DBT: variants seen among roughly 807,000 people sequenced by gnomAD.
DBT encodes lipoamide acyltransferase component of branched-chain alpha-keto acid dehydrogenase complex, mitochondrial.
Under a neutral mutation model 51.3 loss-of-function variants are expected in DBT, and 40 were observed. The observed-to-expected ratio is 0.78, with a 90% CI of 0.61 to 1.02. The LOEUF is 1.02. Ranked by LOEUF, DBT falls within the 50% of genes least tolerant of loss-of-function variation. DBT has a pLI of 0.00. For missense variants in DBT, 510 were observed against 580.2 expected (o/e 0.88, Z 1.24); for synonymous variants, 181 against 190.4 (o/e 0.95, Z 0.41).
chr1:100,224,417 A>G (rs1663049537), intron 4 of DBT, among the ~76,000 whole-genome samples: 1 of 152,352 alleles, frequency 6.6e-6, no homozygotes, highest in Admixed American at 6.5e-5. Context: ...TTTAATTTCT[A>G]TAGGCCTGCT....
intron 1 of DBT, 132 bp downstream of exon 1, chr1:100,249,638 C>T: frequency 1.1e-6 from 1 of 886,636 alleles, no homozygotes; most frequent in Non-Finnish European, 1.9e-6. Context: ...CTTTATTTTG[C>T]ATGCATCCCT....
chr1:100,223,173 G>A (rs1662971785), intron 4 of DBT, among the ~76,000 whole-genome samples: 1 of 152,062 alleles, frequency 6.6e-6, no homozygotes, highest in African/African-American at 2.4e-5. Context: ...GAATTAACAT[G>A]TATGAAATTT....
chr1:100,214,782 C>T (rs1662383643), intron 7 of DBT, 35 bp downstream of exon 7: 1 of 1,603,428 alleles, frequency 6.2e-7, no homozygotes, highest in African/African-American at 1.3e-5. Context: ...AATAAATGTC[C>T]TACTCAAGCC....
intron 7 of DBT, chr1:100,213,491 T>C (rs1662283857): frequency 6.5e-7 from 1 of 1,545,348 alleles, no homozygotes; most frequent in Admixed American, 1.7e-5. Flanking sequence ...CGTCATCCGC[T>C]ATCCTACCAA....
At chr1:100,221,769 T>C (rs1662868440) in intron 4 of DBT, among the ~76,000 whole-genome samples, 1 of 152,208 alleles carries the variant, frequency 6.6e-6, no homozygotes, top group East Asian at 1.9e-4. Flanking sequence ...CGTGTTAAGG[T>C]AATTCCTCGT....
Position 100,216,206 on chromosome 1 carries a change from A to C in DBT, c.556-7T>G. 1 of 1,597,218 alleles carries C rather than the reference A, an allele frequency of 6.3e-7. No homozygotes were observed. The highest frequency in any genetic ancestry group is 1.3e-5 in the African/African-American group (1 of 74,718). ...CAACTTCACTCAGCTTAATCTAAAA[A>C]ATGATATATTTTAATGCCAAAAATA... On this transcript the variant is annotated splice_region_variant and splice_polypyrimidine_tract_variant and intron_variant, in intron 5 of 10. Coordinates refer to ENST00000370132, the MANE Select transcript of DBT (RefSeq NM_001918.5).
At position 100,206,153 on chromosome 1, in the gene DBT, T is replaced by C. The variant is rs980766156; in HGVS notation, c.1281+77A>G. 21 of 963,926 alleles carry C rather than the reference T, an allele frequency of 2.2e-5. No homozygotes were observed. The East Asian group carries it at 5.0e-4, about 23-fold the overall frequency. 59.7% of individuals were successfully genotyped at this position (963,926 alleles called of 1,614,324 possible). A position where few individuals can be genotyped will look rare whatever the true frequency, so the allele number is the denominator to read the frequency against. On this transcript the variant is annotated intron_variant, in intron 10 of 10. Transcript: ENST00000370132. ...AAACCTACAAAAGGAGGGGAAACCT[T>C]AGAAATGGTTACTCTTCATTGTGTT...
chr1:100,227,270 C>T (rs2100820574), intron 4 of DBT, among the ~76,000 whole-genome samples: 1 of 152,322 alleles, frequency 6.6e-6, no homozygotes, highest in East Asian at 1.9e-4. Flanking sequence ...CACACATACA[C>T]TGAGAATGCT....
chr1:100,238,383 C>T (rs1664018479), intron 2 of DBT, among the ~76,000 whole-genome samples: 1 of 132,562 alleles, frequency 7.5e-6, no homozygotes, highest in African/African-American at 2.7e-5. Flanking sequence ...CTTCCAGTCC[C>T]GTCCCTTCCT....
At chr1:100,215,102 A>T in intron 6 of DBT, 119 bp from the exon 7 acceptor site, 3 of 726,854 alleles carry the variant, frequency 4.1e-6, no homozygotes, top group South Asian at 1.7e-5. Flanking sequence ...TCTCAGTTAA[A>T]CCCTTCCTCT....
At position 100,240,880 on chromosome 1, in the gene DBT, C is replaced by G; in HGVS notation, c.56G>C (p.Cys19Ser). 1 of 1,613,282 alleles carries G rather than the reference C, an allele frequency of 6.2e-7. No individual in the cohort carries two copies. The highest frequency in any genetic ancestry group is 8.5e-7 in the Non-Finnish European group (1 of 1,179,502). Residue 19 changes from cysteine to serine, a missense_variant, in exon 2 of 11, where the codon TGT becomes TCT. Transcript: ENST00000370132. ...ACCACATGTTTGAAAATAGCGAACA[C>G]AAATCTACAGATGAGAAAACAAAAA... ...TWSRNAGKLICVRYFQTCGNV... is the reference protein window; with the variant it reads ...TWSRNAGKLISVRYFQTCGNV...
intron 1 of DBT, chr1:100,249,205 G>A: frequency 2.0e-6 from 1 of 501,336 alleles, no homozygotes. Context: ...GGAAGTGCAG[G>A]GGAGATGGTG....
chr1:100,223,283 A>C (rs892254426), intron 4 of DBT, among the ~76,000 whole-genome samples: 1 of 152,238 alleles, frequency 6.6e-6, no homozygotes, highest in African/African-American at 2.4e-5. Flanking sequence ...ATTTTACTGC[A>C]TTAAATAAAT....
chr1:100,243,424 C>T (rs1038922970), intron 1 of DBT, among the ~76,000 whole-genome samples: 4 of 151,534 alleles, frequency 2.6e-5, no homozygotes, highest in African/African-American at 4.8e-5. Context: ...ATGCGATTCT[C>T]GTGCCTCAGC....
At position 100,192,606 on chromosome 1, in the gene DBT, G is replaced by A. The variant is rs1323259189; in HGVS notation, c.*3649C>T. 6.6e-6 allele frequency: 1 copy of A among 152,174 alleles called. No homozygotes were observed. Among genetic ancestry groups the A allele is most frequent in the Admixed American group, 6.5e-5 (1 of 15,276 alleles). The allele number at this position is 152,174 out of a possible 1,614,324, so 9.4% of individuals were successfully genotyped here. A position where few individuals can be genotyped will look rare whatever the true frequency, so the allele number is the denominator to read the frequency against. ...GAAGCCATGAGAAATGCCCAAACAA[G>A]CCAGTGGGCTTTCCAGACTAAGAGC... is the stretch of plus-strand genomic sequence containing the variant. On this transcript the variant is annotated 3_prime_UTR_variant, in exon 11 of 11. Coordinates refer to ENST00000370132, the MANE Select transcript of DBT (RefSeq NM_001918.5).
At chr1:100,235,042 AT>A (rs1199030412) in intron 3 of DBT, among the ~76,000 whole-genome samples, 2 of 152,198 alleles carry the variant, frequency 1.3e-5, no homozygotes, top group African/African-American at 2.4e-5. Flanking sequence ...CAATTTTTTA[AT>A]GTTTCAAAAT....
intron 4 of DBT, among the ~76,000 whole-genome samples, chr1:100,225,826 C>CAAAAAAAAAA (rs71084809): frequency 1.2e-5 from 1 of 86,890 alleles, no homozygotes; most frequent in East Asian, 3.6e-4. Flanking sequence ...CTCCATCTCA[C>CAAAAAAAAAA]AAAAAAAAAA....
intron 7 of DBT, chr1:100,213,219 C>T: frequency 2.4e-6 from 2 of 819,354 alleles, no homozygotes; most frequent in Non-Finnish European, 3.4e-6. Flanking sequence ...CCCGCGTCTG[C>T]CTCAGAGGGG....
intron 4 of DBT, among the ~76,000 whole-genome samples, chr1:100,220,017 T>C (rs1048126161): frequency 3.9e-5 from 6 of 152,068 alleles, no homozygotes; most frequent in African/African-American, 1.2e-4. Flanking sequence ...TGGTGGTGTG[T>C]GCCTGTAGTT....
Sources: gnomAD v4.1 joint callset for allele counts (sites outside exome capture counted in the v4.1 genomes callset) on GRCh38, gnomAD v4.1.1 for gene constraint, MANE v1.5 for transcripts, NCBI Gene and HGNC (gene_info 2026-07-23, HGNC 2026-07-21) for gene names.